DGKG: variants seen among roughly 807,000 people sequenced by gnomAD.
DGKG encodes the protein DAG kinase gamma.
In DGKG, 78 loss-of-function variants were observed where a neutral mutation model predicts 105.3. The observed-to-expected ratio is 0.74, with a 90% CI of 0.62 to 0.89. DGKG has a LOEUF of 0.89. Among genes scored for constraint, DGKG ranks in the 40% least tolerant of loss-of-function variants. DGKG has a pLI of 0.00. For missense variants in DGKG, 958 were observed against 1,020.1 expected, an observed-to-expected ratio of 0.94 and a Z score of 0.83; for synonymous variants, 346 against 367.1, an observed-to-expected ratio of 0.94 and a Z score of 0.66.
At chr3:186,327,726 T>C (rs1725417429) in intron 1 of DGKG, among the ~76,000 whole-genome samples, 2 of 152,102 alleles carry the variant, frequency 1.3e-5, no homozygotes. Flanking sequence ...TTCTTTCTAA[T>C]ACAAAAGGTA....
At chr3:186,202,282 C>T (rs899189114) in intron 21 of DGKG, among the ~76,000 whole-genome samples, 2 of 152,316 alleles carry the variant, frequency 1.3e-5, no homozygotes, top group East Asian at 3.8e-4. Flanking sequence ...GATTCTATGA[C>T]CTTCTTTAAA....
intron 1 of DGKG, among the ~76,000 whole-genome samples, chr3:186,329,607 T>C (rs938704241): frequency 1.3e-5 from 2 of 152,244 alleles, no homozygotes; most frequent in Admixed American, 6.5e-5. Flanking sequence ...TACATGTTCA[T>C]AAGGGAAGAA....
intron 10 of DGKG, 102 bp downstream of exon 10, chr3:186,275,445 C>T: frequency 2.9e-6 from 3 of 1,019,628 alleles, no homozygotes; most frequent in Non-Finnish European, 4.5e-6. Context: ...GTCCCTCAAG[C>T]TGGGAAGCAG....
At chr3:186,335,162 C>T (rs1725772087) in intron 1 of DGKG, among the ~76,000 whole-genome samples, 1 of 152,136 alleles carries the variant, frequency 6.6e-6, no homozygotes, top group African/African-American at 2.4e-5. Flanking sequence ...ACCTTCGCCT[C>T]CTGGATTCAA....
chr3:186,221,968 C>T (rs971988321), intron 20 of DGKG, among the ~76,000 whole-genome samples: 2 of 152,228 alleles, frequency 1.3e-5, no homozygotes, highest in Non-Finnish European at 2.9e-5. Context: ...TGGGTCTGAC[C>T]TGCACTGGCT....
chr3:186,322,286 G>A (rs147107559), intron 1 of DGKG, among the ~76,000 whole-genome samples: 181 of 152,298 alleles, frequency 1.2e-3, no homozygotes, highest in Middle Eastern at 3.4e-3. Context: ...CAACATGGAT[G>A]GAGCTGGAGG....
intron 24 of DGKG, chr3:186,160,793 AC>A: frequency 1.0e-6 from 1 of 985,468 alleles, no homozygotes; most frequent in Non-Finnish European, 1.2e-6. Flanking sequence ...ATTGCTCTTC[AC>A]CACGAGATTC....
intron 1 of DGKG, among the ~76,000 whole-genome samples, chr3:186,348,451 C>CTT (rs1159516433): frequency 0.022 from 1,094 of 50,668 alleles, 50 homozygotes; most frequent in African/African-American, 0.07. Context: ...GGCTCATAAT[C>CTT]TTTTTTTTTT....
intron 1 of DGKG, among the ~76,000 whole-genome samples, chr3:186,343,437 C>T (rs996737338): frequency 6.6e-6 from 1 of 152,016 alleles, no homozygotes; most frequent in Non-Finnish European, 1.5e-5. Context: ...ACCACAGATG[C>T]GCACCACCAT....
intron 13 of DGKG, among the ~76,000 whole-genome samples, chr3:186,265,892 G>A (rs1239597203): frequency 6.6e-6 from 1 of 151,902 alleles, no homozygotes; most frequent in Non-Finnish European, 1.5e-5. Context: ...GGATGGTCTC[G>A]ATCCCTTGAC....
At chr3:186,279,607 T>A (rs947821827) in intron 9 of DGKG, 18 of 317,522 alleles carry the variant, frequency 5.7e-5, no homozygotes, top group Non-Finnish European at 8.6e-5. Flanking sequence ...AATGTGTCTG[T>A]ATTCCCTCAC....
chr3:186,174,236 G>C (rs1458886261), intron 22 of DGKG, among the ~76,000 whole-genome samples: 1 of 152,192 alleles, frequency 6.6e-6, no homozygotes, highest in Non-Finnish European at 1.5e-5. Flanking sequence ...TGTATGAATA[G>C]GATGGGATCA....
intron 21 of DGKG, among the ~76,000 whole-genome samples, chr3:186,198,025 C>T (rs185065220): frequency 3.9e-5 from 6 of 152,288 alleles, no homozygotes; most frequent in Non-Finnish European, 7.4e-5. Context: ...TCATAGAAGG[C>T]GGGGACCATA....
At chr3:186,218,907 C>T (rs4686749) in intron 20 of DGKG, among the ~76,000 whole-genome samples, 151,117 of 152,278 alleles carry the variant, frequency 0.99, 74,994 homozygotes, top group East Asian at 1. Flanking sequence ...GGGTTATTAG[C>T]GGTGTTATTG....
At chr3:186,302,543 TATATATATATATATACAC>T (rs1560143838) in intron 3 of DGKG, among the ~76,000 whole-genome samples, 2 of 32,934 alleles carry the variant, frequency 6.1e-5, no homozygotes, top group East Asian at 7.6e-4. Flanking sequence ...CATATGTATA[TATATATATATATATACAC>T]ATATGTATAT....
At chr3:186,321,672 A>C (rs1366404754) in intron 1 of DGKG, among the ~76,000 whole-genome samples, 6 of 152,250 alleles carry the variant, frequency 3.9e-5, no homozygotes, top group African/African-American at 1.4e-4. Context: ...GCATATGAGC[A>C]GTGCTGGATG....
At chr3:186,253,921 A>C (rs1721338689) in intron 17 of DGKG, among the ~76,000 whole-genome samples, 1 of 152,224 alleles carries the variant, frequency 6.6e-6, no homozygotes, top group African/African-American at 2.4e-5. Context: ...CTAAATGAAC[A>C]AAACCTCCAG....
chr3:186,320,246 T>C, intron 2 of DGKG, 147 bp downstream of exon 2: 1 of 925,076 alleles, frequency 1.1e-6, no homozygotes, highest in Admixed American at 2.9e-5. Flanking sequence ...TTAAATACAC[T>C]AATTCTGTGT....
chr3:186,220,055 G>A (rs952396954), intron 20 of DGKG, among the ~76,000 whole-genome samples: 2 of 152,216 alleles, frequency 1.3e-5, no homozygotes, highest in African/African-American at 4.8e-5. Flanking sequence ...GACAGCATAG[G>A]CTAACTAGTG....
Sources: allele counts gnomAD v4.1 joint callset (sites outside exome capture counted in the v4.1 genomes callset), GRCh38; gene constraint gnomAD v4.1.1; transcripts MANE v1.5; gene names NCBI Gene and HGNC (gene_info 2026-07-23, HGNC 2026-07-21).